CFHR5: variants seen among roughly 807,000 people sequenced by gnomAD.
CFHR5 encodes the protein complement factor H related 5.
In CFHR5, 73 loss-of-function variants were observed where a neutral mutation model predicts 62.9. The ratio of observed to expected loss-of-function variants is 1.16; its 90% confidence interval spans 0.96 to 1.41. The LOEUF (loss-of-function observed/expected upper bound fraction) is 1.41, where lower values mean the gene tolerates loss of function less well. Ranked by LOEUF, CFHR5 falls within the 40% of genes most tolerant of loss-of-function variation. The pLI, the probability that CFHR5 is intolerant of heterozygous loss-of-function variation, is 0.00. For synonymous variants in CFHR5, 249 were observed against 227.2 expected (o/e 1.10, Z -0.86); for missense variants, 779 against 679.9 (o/e 1.15, Z -1.62).
intron 6 of CFHR5, among the ~76,000 whole-genome samples, chr1:196,997,727 A>T (rs1306266325): frequency 6.6e-6 from 1 of 152,132 alleles, no homozygotes; most frequent in Non-Finnish European, 1.5e-5. Context: ...CTTCCTGCAG[A>T]CTTACCCATG....
intron 1 of CFHR5, among the ~76,000 whole-genome samples, chr1:196,981,204 G>A (rs932524853): frequency 2.0e-5 from 3 of 152,070 alleles, no homozygotes; most frequent in Middle Eastern, 3.2e-3. Flanking sequence ...TTCTTATGCA[G>A]CAATGCTATA....
intron 7 of CFHR5, among the ~76,000 whole-genome samples, chr1:197,001,216 C>G (rs529900384): frequency 2.2e-4 from 33 of 152,066 alleles, no homozygotes; most frequent in Non-Finnish European, 2.1e-4. Context: ...TCAGTGGGCC[C>G]CAGTCCCAGA....
upstream of CFHR5, among the ~76,000 whole-genome samples, chr1:196,976,799 CTTTTTTT>C (rs10588279): frequency 2.1e-4 from 21 of 98,156 alleles, no homozygotes; most frequent in African/African-American, 8.4e-4. Context: ...AAAAATTATT[CTTTTTTT>C]TTTTTTTTTT....
intron 3 of CFHR5, among the ~76,000 whole-genome samples, 190 bp downstream of exon 3, chr1:196,984,327 C>T (rs1006793671): frequency 2.0e-5 from 3 of 152,082 alleles, no homozygotes; most frequent in African/African-American, 7.2e-5. Flanking sequence ...ATCAAATGTA[C>T]GTAATAAGAA....
chr1:196,981,691 C>T (rs1361515173), intron 1 of CFHR5, among the ~76,000 whole-genome samples: 1 of 151,802 alleles, frequency 6.6e-6, no homozygotes, highest in East Asian at 1.9e-4. Flanking sequence ...ACTCTTTTCA[C>T]CCCCAGCAGA....
chr1:196,983,864 T>A, intron 2 of CFHR5, 97 bp from the exon 3 acceptor site: 1 of 769,418 alleles, frequency 1.3e-6, no homozygotes, highest in Non-Finnish European at 2.2e-6. Context: ...TTACACATGA[T>A]GTCAGTTTTC....
chr1:196,995,900 G>C lies in CFHR5; in HGVS notation c.790+1G>C. 2.5e-6 allele frequency: 4 copies of C among 1,611,154 alleles called. No individual in the cohort carries two copies. Among genetic ancestry groups the C allele is most frequent in the Non-Finnish European group, 3.4e-6 (4 of 1,177,572 alleles). On this transcript the variant is annotated splice_donor_variant, in intron 5 of 9. Transcript: ENST00000256785. LOFTEE classifies it high-confidence loss of function. ...TGGACAACTTTACCCACTTGTGTTG[G>C]TAAATAAATATTAACATTTAAACAG...
chr1:196,993,682 ATT>A lies in CFHR5; in HGVS notation c.431-393_431-392del, dbSNP rs556272402. 1.4e-3 allele frequency among the ~76,000 whole-genome samples: 209 copies of A among 152,258 alleles called. 4 individuals are homozygous for A. In the South Asian group the frequency reaches 0.019, roughly 14 times the overall value. Reference sequence around the variant, plus strand: ...CAATTTTATTTTGTTACTTGAAGGAATTTTTTGTGATTTAGTGAGAAAAAAAT... The same window carrying A: ...CAATTTTATTTTGTTACTTGAAGGAATTTTGTGATTTAGTGAGAAAAAAAT... On this transcript the variant is annotated intron_variant, in intron 3 of 9. Coordinates refer to ENST00000256785, the MANE Select transcript of CFHR5 (RefSeq NM_030787.4).
intron 1 of CFHR5, among the ~76,000 whole-genome samples, chr1:196,980,765 G>A (rs1184729622): frequency 1.3e-5 from 2 of 152,126 alleles, no homozygotes; most frequent in Non-Finnish European, 2.9e-5. Flanking sequence ...CATTGCGGAT[G>A]TGCACAATGG....
At chr1:196,987,266 T>TATATTATACATTATATATAATCCATA (rs1558283951) in intron 3 of CFHR5, among the ~76,000 whole-genome samples, 1 of 152,224 alleles carries the variant, frequency 6.6e-6, no homozygotes, top group African/African-American at 2.4e-5. Flanking sequence ...TATCAGCCCT[T>TATATTATACATTATATATAATCCATA]TATCAGATGG....
chr1:196,998,055 A>T, intron 6 of CFHR5, 73 bp from the exon 7 acceptor site: 1 of 955,080 alleles, frequency 1.0e-6, no homozygotes, highest in Non-Finnish European at 1.6e-6. Flanking sequence ...CATCAAACAT[A>T]ATTATGCTAT....
chr1:196,994,645 A>G (rs1186187422), intron 4 of CFHR5, among the ~76,000 whole-genome samples: 1 of 152,206 alleles, frequency 6.6e-6, no homozygotes, highest in African/African-American at 2.4e-5. Context: ...GAAAACAGTG[A>G]TGATTTATAC....
intron 7 of CFHR5, among the ~76,000 whole-genome samples, chr1:197,000,245 G>A (rs1038705948): frequency 3.3e-5 from 5 of 152,018 alleles, no homozygotes; most frequent in Admixed American, 6.6e-5. Flanking sequence ...AGGTAAGAAC[G>A]TTATTAGGTG....
chr1:196,980,113 C>G lies in CFHR5; in HGVS notation c.58+2391C>G, dbSNP rs976173292. On this transcript the variant is annotated intron_variant, in intron 1 of 9. Transcript: ENST00000256785. Reference sequence around the variant, plus strand: ...GGGTCAGGATCATCAGTATCACTGTCTTCCTCCTCACTCTTGTTCCACTAG... The same window carrying G: ...GGGTCAGGATCATCAGTATCACTGTGTTCCTCCTCACTCTTGTTCCACTAG... 2.0e-5 allele frequency among the ~76,000 whole-genome samples: 3 copies of G among 152,104 alleles called. No individual in the cohort carries two copies. In the East Asian group the frequency reaches 5.8e-4, roughly 29 times the overall value.
At chr1:196,999,965 G>A (rs1440365014) in intron 7 of CFHR5, among the ~76,000 whole-genome samples, 1 of 151,420 alleles carries the variant, frequency 6.6e-6, no homozygotes, top group African/African-American at 2.4e-5. Flanking sequence ...TCCAAGATAT[G>A]AAACTAATGT....
At chr1:196,991,678 C>T (rs1426507515) in intron 3 of CFHR5, among the ~76,000 whole-genome samples, 2 of 152,180 alleles carry the variant, frequency 1.3e-5, no homozygotes, top group African/African-American at 2.4e-5. Context: ...CCCTGTTTGC[C>T]TGGGTATCAC....
intron 3 of CFHR5, among the ~76,000 whole-genome samples, chr1:196,984,687 T>C (rs1474540491): frequency 6.6e-6 from 1 of 152,214 alleles, no homozygotes; most frequent in Non-Finnish European, 1.5e-5. Flanking sequence ...ATTCTTCATC[T>C]TTATAGCTCT....
chr1:196,988,393 C>T (rs1653752816), intron 3 of CFHR5, among the ~76,000 whole-genome samples: 1 of 152,172 alleles, frequency 6.6e-6, no homozygotes, highest in Admixed American at 6.5e-5. Context: ...CTGGCCAGAA[C>T]TTCCAACACT....
At chr1:196,989,728 TG>T (rs1365985965) in intron 3 of CFHR5, among the ~76,000 whole-genome samples, 2 of 152,200 alleles carry the variant, frequency 1.3e-5, no homozygotes, top group Admixed American at 6.5e-5. Context: ...CACTGTGGTA[TG>T]AGAGACAGTT....
Sources: allele counts gnomAD v4.1 joint callset (sites outside exome capture counted in the v4.1 genomes callset), GRCh38; gene constraint gnomAD v4.1.1; transcripts MANE v1.5; gene names NCBI Gene and HGNC (gene_info 2026-07-23, HGNC 2026-07-21).